Variants in SMCO4 observed in about 807,000 individuals in gnomAD.
SMCO4 encodes single-pass membrane protein with coiled-coil domains 4.
SMCO4 carries 4 observed loss-of-function variants against 3.6 expected under a neutral mutation model. The ratio of observed to expected loss-of-function variants is 1.11; its 90% CI spans 0.54 to 2.53. The LOEUF is 2.53. SMCO4 is among the 30% of genes most tolerant of loss of function. The pLI, the probability that SMCO4 is intolerant of heterozygous loss-of-function variation, is 0.02. For synonymous variants in SMCO4, 36 were observed against 35.3 expected, an observed-to-expected ratio of 1.02 and a Z score of -0.07; for missense variants, 70 against 80.8, an observed-to-expected ratio of 0.87 and a Z score of 0.51.
At chr11:93,480,029 G>T (rs938314737) in intron 2 of SMCO4, among the ~76,000 whole-genome samples, 5 of 152,184 alleles carry the variant, frequency 3.3e-5, no homozygotes, top group African/African-American at 1.2e-4. Flanking sequence ...TGCCTAACAG[G>T]TGAAGTAGAA....
intron 1 of SMCO4, among the ~76,000 whole-genome samples, chr11:93,508,004 T>C (rs941363832): frequency 2.0e-5 from 3 of 152,232 alleles, no homozygotes; most frequent in Admixed American, 1.3e-4. Flanking sequence ...CTTTATATTA[T>C]CATATATCAT....
intron 2 of SMCO4, among the ~76,000 whole-genome samples, chr11:93,487,426 G>A (rs749361855): frequency 5.3e-5 from 8 of 152,334 alleles, no homozygotes; most frequent in Non-Finnish European, 7.3e-5. Flanking sequence ...CTCTTGACCT[G>A]AAGGCCAGTG....
At chr11:93,496,635 G>A (rs989259422) in intron 2 of SMCO4, among the ~76,000 whole-genome samples, 5 of 152,128 alleles carry the variant, frequency 3.3e-5, no homozygotes, top group African/African-American at 7.2e-5. Flanking sequence ...CCAATTCAAG[G>A]TGGGCACAAC....
intron 1 of SMCO4, among the ~76,000 whole-genome samples, chr11:93,540,462 A>C (rs1046950927): frequency 1.3e-5 from 2 of 152,238 alleles, no homozygotes; most frequent in African/African-American, 4.8e-5. Flanking sequence ...TCCAGAGTCT[A>C]CAAGTGTTTA....
intron 1 of SMCO4, among the ~76,000 whole-genome samples, chr11:93,516,968 C>G (rs1429893787): frequency 6.6e-6 from 1 of 152,064 alleles, no homozygotes; most frequent in Non-Finnish European, 1.5e-5. Flanking sequence ...TCCACCTTCC[C>G]TTAAAGCTGG....
chr11:93,484,909 G>A (rs975220987), intron 2 of SMCO4, among the ~76,000 whole-genome samples: 8 of 152,166 alleles, frequency 5.3e-5, no homozygotes, highest in Middle Eastern at 3.4e-3. Context: ...AGCAGCCACC[G>A]GCCATGTGTT....
intron 2 of SMCO4, among the ~76,000 whole-genome samples, chr11:93,489,840 T>G (rs1187285645): frequency 6.8e-6 from 1 of 147,852 alleles, no homozygotes; most frequent in Non-Finnish European, 1.5e-5. Flanking sequence ...CAGAAAACAA[T>G]GCTAGACTCT....
intron 2 of SMCO4, among the ~76,000 whole-genome samples, chr11:93,493,015 C>T (rs1948736148): frequency 6.6e-6 from 1 of 152,196 alleles, no homozygotes; most frequent in Admixed American, 6.5e-5. Context: ...ATGACCCCAT[C>T]AGAAAATGAA....
chr11:93,488,030 GAGAC>G (rs1279475106), intron 2 of SMCO4, among the ~76,000 whole-genome samples: 2 of 152,258 alleles, frequency 1.3e-5, no homozygotes, highest in Non-Finnish European at 2.9e-5. Context: ...GGAATGTGGA[GAGAC>G]AGACAACTAA....
chr11:93,506,440 C>CTT (rs35870051), intron 1 of SMCO4, among the ~76,000 whole-genome samples: 34 of 139,782 alleles, frequency 2.4e-4, no homozygotes, highest in South Asian at 1.4e-3. Flanking sequence ...ACACACACAG[C>CTT]TTTTTTTTTT....
chr11:93,545,643 T>A (rs1190356301), upstream of SMCO4, among the ~76,000 whole-genome samples: 5 of 148,776 alleles, frequency 3.4e-5, no homozygotes, highest in African/African-American at 1.2e-4. Flanking sequence ...GAAAGTGTCA[T>A]CCTTTATAGG....
At chr11:93,516,561 G>A (rs1371585495) in intron 1 of SMCO4, among the ~76,000 whole-genome samples, 3 of 152,258 alleles carry the variant, frequency 2.0e-5, no homozygotes, top group Admixed American at 6.5e-5. Flanking sequence ...AGGCCAAGGC[G>A]GGTGGATCAC....
At position 93,543,370 on chromosome 11, in the gene SMCO4, C is replaced by G. The variant is rs912901869; in HGVS notation, c.-248G>C. Reference sequence around the variant, plus strand: ...GCGCTCCCCGCCTCGCCTCTCCTCTCGGCGCCCGCGCGGGCGACTCTGGCG... The same window carrying G: ...GCGCTCCCCGCCTCGCCTCTCCTCTGGGCGCCCGCGCGGGCGACTCTGGCG... On this transcript the variant is annotated 5_prime_UTR_variant, in exon 1 of 3. Coordinates refer to ENST00000298966, the MANE Select transcript of SMCO4 (RefSeq NM_020179.3). 41 of 152,290 alleles carry G rather than the reference C, an allele frequency of 2.7e-4. 1 individual carries two copies. Among genetic ancestry groups the G allele is most frequent in the African/African-American group, 9.9e-4 (41 of 41,402 alleles). The allele number at this position is 152,290 out of a possible 1,614,324, so 9.4% of individuals were successfully genotyped here.
intron 1 of SMCO4, among the ~76,000 whole-genome samples, chr11:93,540,078 C>G (rs1333221341): frequency 2.0e-5 from 3 of 152,116 alleles, no homozygotes; most frequent in Non-Finnish European, 4.4e-5. Context: ...TTCCCTTGGA[C>G]AAGACAATCA....
intron 2 of SMCO4, among the ~76,000 whole-genome samples, chr11:93,479,483 C>T (rs2134562631): frequency 6.6e-6 from 1 of 152,316 alleles, no homozygotes; most frequent in Non-Finnish European, 1.5e-5. Flanking sequence ...GCCTCCGCTC[C>T]AGCGCCAGCT....
chr11:93,510,750 G>A (rs561133052), intron 1 of SMCO4, among the ~76,000 whole-genome samples: 1 of 152,318 alleles, frequency 6.6e-6, no homozygotes, highest in African/African-American at 2.4e-5. Flanking sequence ...CCCAACAGAT[G>A]TAAGCCAGCA....
intron 1 of SMCO4, among the ~76,000 whole-genome samples, chr11:93,520,561 A>G (rs1301996907): frequency 2.6e-5 from 4 of 152,214 alleles, no homozygotes; most frequent in African/African-American, 9.6e-5. Context: ...CCTAAACTAT[A>G]TTGCTTCCAA....
chr11:93,490,189 C>G (rs1948698081), intron 2 of SMCO4, among the ~76,000 whole-genome samples: 1 of 152,220 alleles, frequency 6.6e-6, no homozygotes, highest in Admixed American at 6.5e-5. Context: ...TTGAACAGGT[C>G]TTGTTATTTA....
intron 1 of SMCO4, among the ~76,000 whole-genome samples, chr11:93,534,042 T>C (rs1320793198): frequency 6.6e-6 from 1 of 151,568 alleles, no homozygotes; most frequent in Admixed American, 6.6e-5. Flanking sequence ...AATACAAAAA[T>C]TAGCCAGGCG....
Sources: allele counts gnomAD v4.1 joint callset (sites outside exome capture counted in the v4.1 genomes callset), GRCh38; gene constraint gnomAD v4.1.1; transcripts MANE v1.5; gene names NCBI Gene and HGNC (gene_info 2026-07-23, HGNC 2026-07-21).